Variants in UBE2O observed in about 807,000 individuals in gnomAD.
UBE2O encodes ubiquitin conjugating enzyme E2 O.
In UBE2O, 15 loss-of-function variants were observed where a neutral mutation model predicts 125.8. The observed-to-expected ratio is 0.12, with a 90% CI of 0.08 to 0.18. UBE2O has a LOEUF of 0.18. Among genes scored for constraint, UBE2O ranks in the 10% least tolerant of loss-of-function variants. UBE2O has a pLI of 1.00. For synonymous variants in UBE2O, 708 were observed against 703.2 expected, an observed-to-expected ratio of 1.01 and a Z score of -0.11; for missense variants, 1,280 against 1,723.6, an observed-to-expected ratio of 0.74 and a Z score of 4.56.
At position 76,392,552 on chromosome 17, in the gene UBE2O, G is replaced by A. The variant is rs990791383; in HGVS notation, c.2947-439C>T. Among the ~76,000 whole-genome samples, 11 of 151,824 alleles carry A rather than the reference G, an allele frequency of 7.2e-5. No homozygotes were observed. In the East Asian group the frequency reaches 9.7e-4, roughly 13 times the overall value. On this transcript the variant is annotated intron_variant, in intron 15 of 17. Coordinates refer to ENST00000319380, the MANE Select transcript of UBE2O (RefSeq NM_022066.4). ...AGTGCTGGGTTTACAGCCCTGAGCC[G>A]TCACTGTGCCTGGCCCTTGCCTGGA...
At chr17:76,439,737 G>A (rs2073050786) in intron 1 of UBE2O, among the ~76,000 whole-genome samples, 1 of 152,080 alleles carries the variant, frequency 6.6e-6, no homozygotes, top group African/African-American at 2.4e-5. Flanking sequence ...ATGCGCACTG[G>A]ACTTCCCGCC....
At chr17:76,393,313 G>A (rs1206395074) in intron 15 of UBE2O, among the ~76,000 whole-genome samples, 1 of 150,474 alleles carries the variant, frequency 6.6e-6, no homozygotes, top group Non-Finnish European at 1.5e-5. Flanking sequence ...TCCCCAGGCT[G>A]GAGTGCAGTG....
chr17:76,442,882 A>G (rs2073096327), intron 1 of UBE2O, among the ~76,000 whole-genome samples: 1 of 152,212 alleles, frequency 6.6e-6, no homozygotes, highest in African/African-American at 2.4e-5. Flanking sequence ...GCATGAGGCA[A>G]GCAGAGAGCA....
rs2072491770 is a variant in UBE2O at position 76,410,159 on chromosome 17, G to A, written c.418-4587C>T. ...TTAGAGAGCCACAGGGAGGGCTTGA[G>A]ATTCTATCCTGAGCAAGATGGAAGC... On this transcript the variant is annotated intron_variant, in intron 1 of 17. Coordinates refer to ENST00000319380, the MANE Select transcript of UBE2O (RefSeq NM_022066.4). This position sits in a 1 kb window ranked among gnomAD's most constrained non-coding sequence, Gnocchi z 4.0. Among the ~76,000 whole-genome samples the A allele has an allele frequency of 6.6e-6, 1 of 152,128 alleles. No individual in the cohort carries two copies. The highest frequency in any genetic ancestry group is 1.5e-5 in the Non-Finnish European group (1 of 68,034).
At position 76,398,065 on chromosome 17, in the gene UBE2O, G is replaced by A. The variant is rs1184247172; in HGVS notation, c.2026-177C>T. 1.3e-5 allele frequency among the ~76,000 whole-genome samples: 2 copies of A among 152,248 alleles called. No individual in the cohort carries two copies. The highest frequency in any genetic ancestry group is 4.8e-5 in the African/African-American group (2 of 41,468). On this transcript the variant is annotated intron_variant, in intron 12 of 17. Transcript: ENST00000319380. The surrounding 1 kb of genome is among the most constrained non-coding windows in gnomAD (Gnocchi z 5.4). ...AGCCTGACCCCAGAAGGGAGGCAGGGAAACAAGTCCTTCTGCAGCTGCTAG... is the reference window on the plus strand; with the variant it reads ...AGCCTGACCCCAGAAGGGAGGCAGGAAAACAAGTCCTTCTGCAGCTGCTAG...
chr17:76,415,795 CTGTG>C (rs34127040), intron 1 of UBE2O, among the ~76,000 whole-genome samples: 504 of 143,248 alleles, frequency 3.5e-3, no homozygotes, highest in East Asian at 0.014. Context: ...CAGAGCAAGA[CTGTG>C]TGTGTGTGTG....
At chr17:76,414,822 G>A (rs2072573307) in intron 1 of UBE2O, among the ~76,000 whole-genome samples, 1 of 152,178 alleles carries the variant, frequency 6.6e-6, no homozygotes, top group African/African-American at 2.4e-5. Flanking sequence ...GCAGGAGCTG[G>A]GAGCCGAGGA....
At position 76,390,643 on chromosome 17, in the gene UBE2O, A is replaced by G; in HGVS notation, c.*300T>C. On this transcript the variant is annotated 3_prime_UTR_variant, in exon 18 of 18. Coordinates refer to ENST00000319380, the MANE Select transcript of UBE2O (RefSeq NM_022066.4). ...TGGAACACCCGCCTCTGACCTGAGA[A>G]GGGGCAGCAAGGGAGCAAGTGCCGG... 3.4e-6 allele frequency: 1 copy of G among 297,484 alleles called. No homozygotes were observed. Among genetic ancestry groups the G allele is most frequent in the Non-Finnish European group, 6.3e-6 (1 of 158,804 alleles). The allele number at this position is 297,484 out of a possible 1,614,324, so 18.4% of individuals were successfully genotyped here. A position where few individuals can be genotyped will look rare whatever the true frequency, so the allele number is the denominator to read the frequency against.
intron 1 of UBE2O, among the ~76,000 whole-genome samples, chr17:76,435,985 G>A (rs188980084): frequency 6.6e-6 from 1 of 152,240 alleles, no homozygotes; most frequent in Non-Finnish European, 1.5e-5. Flanking sequence ...GGTGGCTCAC[G>A]CCTGTAATCC....
intron 1 of UBE2O, among the ~76,000 whole-genome samples, chr17:76,449,827 G>C (rs796146368): frequency 1.6e-4 from 25 of 152,118 alleles, no homozygotes; most frequent in African/African-American, 6.0e-4. Context: ...GGCTGAGGTA[G>C]GAGAATCGCT....
In UBE2O at chr17:76,398,130, G is replaced by T; in HGVS notation, c.2025+125C>A. The T allele has an allele frequency of 7.4e-7, 1 of 1,351,332 alleles. No individual in the cohort carries two copies. 83.7% of individuals were successfully genotyped at this position (1,351,332 alleles called of 1,614,324 possible). ...TTGACTCTGGGGCAGCTGCCCTTCT[G>T]AGGACACTGAGCCCAGAGGACTTTC... On this transcript the variant is annotated intron_variant, in intron 12 of 17. Transcript: ENST00000319380. This position sits in a 1 kb window ranked among gnomAD's most constrained non-coding sequence, Gnocchi z 5.4.
chr17:76,436,200 T>C (rs1801118926), intron 1 of UBE2O, among the ~76,000 whole-genome samples: 1 of 152,102 alleles, frequency 6.6e-6, no homozygotes, highest in African/African-American at 2.4e-5. Flanking sequence ...TGAGCCGAGA[T>C]AGCACCATTG....
intron 1 of UBE2O, among the ~76,000 whole-genome samples, chr17:76,445,194 G>C (rs1351697007): frequency 6.6e-6 from 1 of 151,832 alleles, no homozygotes; most frequent in Non-Finnish European, 1.5e-5. Context: ...GAATATTCAT[G>C]TCATTGTTGG....
intron 5 of UBE2O, 75 bp from the exon 6 acceptor site, chr17:76,401,229 C>T: frequency 2.5e-5 from 38 of 1,544,980 alleles, no homozygotes; most frequent in Non-Finnish European, 3.3e-5. Context: ...CACGCCTGTG[C>T]CCGCTGGCTG....
At chr17:76,417,088 G>T (rs908161761) in intron 1 of UBE2O, among the ~76,000 whole-genome samples, 1 of 152,218 alleles carries the variant, frequency 6.6e-6, no homozygotes, top group Admixed American at 6.5e-5. Flanking sequence ...CTCATCAGGG[G>T]GTTGGGCAAC....
chr17:76,446,121 G>T (rs959006826), intron 1 of UBE2O, among the ~76,000 whole-genome samples: 1 of 152,156 alleles, frequency 6.6e-6, no homozygotes, highest in Non-Finnish European at 1.5e-5. Context: ...ACTCCCCATC[G>T]CCATCCAGAA....
At position 76,453,143 on chromosome 17, in the gene UBE2O, A is replaced by T; in HGVS notation, c.-2T>A. The T allele has an allele frequency of 8.3e-6, 5 of 604,480 alleles. No homozygotes were observed. The South Asian group carries it at 2.3e-4, about 28-fold the overall frequency. 37.4% of individuals were successfully genotyped at this position (604,480 alleles called of 1,614,324 possible). A position where few individuals can be genotyped will look rare whatever the true frequency, so the allele number is the denominator to read the frequency against. ...CGTGGGGGCTGCGGGATCCGCCATAACTGCTCTGCGCGAGTCTCGGGCGGC... is the reference window on the plus strand; with the variant it reads ...CGTGGGGGCTGCGGGATCCGCCATATCTGCTCTGCGCGAGTCTCGGGCGGC... On this transcript the variant is annotated 5_prime_UTR_variant, in exon 1 of 18. Transcript: ENST00000319380.
At chr17:76,418,134 C>T (rs867411327) in intron 1 of UBE2O, among the ~76,000 whole-genome samples, 10 of 152,164 alleles carry the variant, frequency 6.6e-5, no homozygotes, top group African/African-American at 1.4e-4. Context: ...TGCCCTGGGA[C>T]GCCCTGAAGA....
At chr17:76,401,805 G>C (rs1598588600) in intron 5 of UBE2O, 3 of 282,416 alleles carry the variant, frequency 1.1e-5, no homozygotes, top group East Asian at 6.5e-5. Context: ...GAACCCGGGA[G>C]GTGGAGGTTG....
Sources: allele counts gnomAD v4.1 joint callset (sites outside exome capture counted in the v4.1 genomes callset), GRCh38; gene constraint gnomAD v4.1.1; non-coding constraint Gnocchi (gnomAD v3.1); transcripts MANE v1.5; gene names NCBI Gene and HGNC (gene_info 2026-07-23, HGNC 2026-07-21).